GPR107: variants seen among roughly 807,000 people sequenced by gnomAD.
The protein encoded by GPR107 is G protein-coupled receptor 107, also known as protein GPR107.
Under a neutral mutation model 75.5 loss-of-function variants are expected in GPR107, and 31 were observed. That is an observed-to-expected ratio of 0.41 (90% CI 0.31 to 0.55). The LOEUF is 0.55. GPR107 is among the 20% of genes least tolerant of loss of function. The pLI, the probability that GPR107 is intolerant of heterozygous loss-of-function variation, is 0.26. For synonymous variants in GPR107, 267 were observed against 251.3 expected (o/e 1.06, Z -0.59); for missense variants, 572 against 665.7 (o/e 0.86, Z 1.55).
intron 6 of GPR107, among the ~76,000 whole-genome samples, chr9:130,085,753 G>GTTTTTTTT (rs1189602398): frequency 9.3e-5 from 3 of 32,256 alleles, no homozygotes; most frequent in Non-Finnish European, 1.7e-4. Flanking sequence ...GCAATATTTT[G>GTTTTTTTT]ATTTTTTTTT....
chr9:130,126,887 T>C (rs1176314564), intron 15 of GPR107, among the ~76,000 whole-genome samples: 2 of 152,132 alleles, frequency 1.3e-5, no homozygotes, highest in Non-Finnish European at 2.9e-5. Context: ...TAATGAGTGG[T>C]CCTTGACCAG....
chr9:130,119,509 C>T (rs1831500254), intron 14 of GPR107, among the ~76,000 whole-genome samples: 1 of 152,218 alleles, frequency 6.6e-6, no homozygotes, highest in Non-Finnish European at 1.5e-5. Flanking sequence ...TCTGCCTTAA[C>T]AGGTGAAGAA....
At chr9:130,080,701 T>C (rs747128528) in intron 5 of GPR107, among the ~76,000 whole-genome samples, 2 of 150,778 alleles carry the variant, frequency 1.3e-5, no homozygotes, top group East Asian at 2.0e-4. Context: ...CGGTGTTAGC[T>C]AGGATGGTCT....
In GPR107 at chr9:130,135,064, CAAG is replaced by C. The variant is rs1564689645; in HGVS notation, c.1606_1608del (p.Lys536del). The C allele has an allele frequency of 2.5e-6, 4 of 1,611,494 alleles. No homozygotes were observed. The highest frequency in any genetic ancestry group is 2.5e-6 in the Non-Finnish European group (3 of 1,178,070). The stretch of plus-strand genomic sequence containing the variant: ...GGGTGATGGAAAGTATGAAGAAAGT[CAAG>C]AAGGTGACCAACGGCTCCGTGGAGC... On this transcript the variant is annotated inframe_deletion, in exon 18 of 18. Coordinates refer to ENST00000347136, the MANE Select transcript of GPR107 (RefSeq NM_020960.5).
At chr9:130,107,311 C>T (rs1035123908) in intron 13 of GPR107, among the ~76,000 whole-genome samples, 185 bp from the exon 14 acceptor site, 1 of 152,132 alleles carries the variant, frequency 6.6e-6, no homozygotes, top group African/African-American at 2.4e-5. Flanking sequence ...GGCGACTTTA[C>T]CTCAGACGTG....
chr9:130,055,530 A>G (rs1829755375), intron 1 of GPR107, among the ~76,000 whole-genome samples: 1 of 147,118 alleles, frequency 6.8e-6, no homozygotes, highest in Non-Finnish European at 1.5e-5. Flanking sequence ...TCCGTCTCAA[A>G]AAAAAAAAAA....
At chr9:130,124,786 TG>T in intron 14 of GPR107, 128 bp from the exon 15 acceptor site, 1 of 618,310 alleles carries the variant, frequency 1.6e-6, no homozygotes. Flanking sequence ...TCCAGATAGA[TG>T]GATGTGCCTC....
chr9:130,130,254 C>G (rs112858292), intron 17 of GPR107, among the ~76,000 whole-genome samples: 2 of 152,214 alleles, frequency 1.3e-5, no homozygotes, highest in Non-Finnish European at 2.9e-5. Context: ...TAAAAAGTAT[C>G]GGATGCGATT....
chr9:130,062,425 T>TAATAA (rs984405967), intron 1 of GPR107, among the ~76,000 whole-genome samples: 1 of 114,450 alleles, frequency 8.7e-6, no homozygotes, highest in Non-Finnish European at 1.7e-5. Flanking sequence ...AAAATGATAA[T>TAATAA]AATAATAATA....
At position 130,112,184 on chromosome 9, in the gene GPR107, C is replaced by G. The variant is rs899886379; in HGVS notation, c.1306+4645C>G. Among the ~76,000 whole-genome samples, 2 of 152,172 alleles carry G rather than the reference C, an allele frequency of 1.3e-5. No homozygotes were observed. Among genetic ancestry groups the G allele is most frequent in the Admixed American group, 6.5e-5 (1 of 15,268 alleles). On this transcript the variant is annotated intron_variant, in intron 14 of 17. Coordinates refer to ENST00000347136, the MANE Select transcript of GPR107 (RefSeq NM_020960.5). This position sits in a 1 kb window ranked among gnomAD's most constrained non-coding sequence, Gnocchi z 4.0. ...AAGTCAGAAGATGTATTCTGAAGAG[C>G]CTTAGCTTTCATGTGAGCTTCAGAA...
chr9:130,118,391 T>G (rs1831476374), intron 14 of GPR107, among the ~76,000 whole-genome samples: 1 of 152,132 alleles, frequency 6.6e-6, no homozygotes, highest in Non-Finnish European at 1.5e-5. Flanking sequence ...GGGGACCACC[T>G]AGGGCAGGGG....
At chr9:130,122,182 C>A (rs936805239) in intron 14 of GPR107, among the ~76,000 whole-genome samples, 1 of 152,168 alleles carries the variant, frequency 6.6e-6, no homozygotes, top group African/African-American at 2.4e-5. Context: ...TGAGCCGCCG[C>A]GCCCAGCCTC....
At chr9:130,073,805 G>GA (rs1027640125) in intron 1 of GPR107, among the ~76,000 whole-genome samples, 1 of 152,190 alleles carries the variant, frequency 6.6e-6, no homozygotes, top group African/African-American at 2.4e-5. Context: ...ACCCAGGCTG[G>GA]AGTGCCATGG....
chr9:130,093,041 T>C (rs1229942826), intron 9 of GPR107, among the ~76,000 whole-genome samples: 2 of 152,220 alleles, frequency 1.3e-5, no homozygotes, highest in Non-Finnish European at 2.9e-5. Context: ...CTGTTGCTTC[T>C]GGAGAGGAAG....
At chr9:130,069,187 A>T (rs1830138852) in intron 1 of GPR107, among the ~76,000 whole-genome samples, 1 of 152,224 alleles carries the variant, frequency 6.6e-6, no homozygotes, top group South Asian at 2.1e-4. Flanking sequence ...CTGTTTCCTC[A>T]TCTACCAAAT....
At chr9:130,069,708 C>CA (rs1261574986) in intron 1 of GPR107, among the ~76,000 whole-genome samples, 1 of 152,108 alleles carries the variant, frequency 6.6e-6, no homozygotes, top group Non-Finnish European at 1.5e-5. Context: ...TTTTTTGAGA[C>CA]AGAGTCTCAC....
intron 14 of GPR107, among the ~76,000 whole-genome samples, chr9:130,115,179 T>G (rs889200797): frequency 2.2e-4 from 33 of 152,212 alleles, no homozygotes; most frequent in Admixed American, 5.9e-4. Context: ...TAGTGAGAGA[T>G]ATAGACTTCC....
chr9:130,066,859 G>A (rs1452717371), intron 1 of GPR107, among the ~76,000 whole-genome samples: 4 of 152,088 alleles, frequency 2.6e-5, no homozygotes, highest in African/African-American at 7.2e-5. Flanking sequence ...GGTGGCGGGC[G>A]CCTGTAGTCC....
At chr9:130,082,637 G>A (rs183718195) in intron 5 of GPR107, among the ~76,000 whole-genome samples, 183 of 151,862 alleles carry the variant, frequency 1.2e-3, no homozygotes, top group Non-Finnish European at 2.4e-3. Context: ...CTGCCACCAC[G>A]TGGCTAATTT....
Sources: allele counts gnomAD v4.1 joint callset (sites outside exome capture counted in the v4.1 genomes callset), GRCh38; gene constraint gnomAD v4.1.1; non-coding constraint Gnocchi (gnomAD v3.1); transcripts MANE v1.5; gene names NCBI Gene and HGNC (gene_info 2026-07-23, HGNC 2026-07-21).